Variants in TWSG1 observed in about 807,000 individuals in gnomAD.
The protein encoded by TWSG1 is twisted gastrulation protein homolog 1.
In TWSG1, 15 loss-of-function variants were observed where a neutral mutation model predicts 23.0. The ratio of observed to expected loss-of-function variants is 0.65; its 90% CI spans 0.44 to 1.00. The LOEUF is 1.00. Ranked by LOEUF, TWSG1 falls within the 50% of genes least tolerant of loss-of-function variation. The probability of loss-of-function intolerance (pLI) is 0.00; values close to 1 mark genes in which losing one functional copy is unlikely to be tolerated. For synonymous variants in TWSG1, 86 were observed against 92.8 expected (o/e 0.93, Z 0.42); for missense variants, 242 against 278.7 (o/e 0.87, Z 0.94).
At chr18:9,360,245 C>T (rs1343262704) in intron 3 of TWSG1, among the ~76,000 whole-genome samples, 174 bp downstream of exon 3, 2 of 152,112 alleles carry the variant, frequency 1.3e-5, no homozygotes, top group Non-Finnish European at 2.9e-5. Context: ...TAGTATTTAC[C>T]TATACATGTA....
chr18:9,360,425 A>T (rs2040547215), intron 3 of TWSG1, among the ~76,000 whole-genome samples: 1 of 152,162 alleles, frequency 6.6e-6, no homozygotes, highest in South Asian at 2.1e-4. Context: ...AAGATGTGTT[A>T]AGTAAAAAAA....
chr18:9,391,586 G>A lies in TWSG1; in HGVS notation c.224-4694G>A, dbSNP rs892517318. On this transcript the variant is annotated intron_variant, in intron 3 of 4. Coordinates refer to ENST00000262120, the MANE Select transcript of TWSG1 (RefSeq NM_020648.6). ...GCATATGGAGGCACTTCCTGCTGCC[G>A]CAAGACAATTACAATAGTAACATCA... Among the ~76,000 whole-genome samples the A allele has an allele frequency of 6.6e-5, 10 of 152,252 alleles. No homozygotes were observed. In the East Asian group the frequency reaches 1.5e-3, roughly 23 times the overall value.
chr18:9,349,387 T>TG (rs2145597685), intron 2 of TWSG1, among the ~76,000 whole-genome samples: 1 of 152,318 alleles, frequency 6.6e-6, no homozygotes, highest in Non-Finnish European at 1.5e-5. Context: ...TATTCAAAAT[T>TG]GGGTTCAGAG....
At chr18:9,380,764 A>C (rs534761214) in intron 3 of TWSG1, among the ~76,000 whole-genome samples, 13 of 152,188 alleles carry the variant, frequency 8.5e-5, no homozygotes, top group Non-Finnish European at 1.6e-4. Context: ...CTTCATTTAG[A>C]GGCATCGTAT....
At chr18:9,341,961 G>GT (rs2040448249) in intron 2 of TWSG1, among the ~76,000 whole-genome samples, 1 of 152,042 alleles carries the variant, frequency 6.6e-6, no homozygotes, top group Admixed American at 6.6e-5. Flanking sequence ...AAAGAAATCA[G>GT]TTTTTTCCCT....
intron 4 of TWSG1, among the ~76,000 whole-genome samples, chr18:9,398,460 G>A (rs1376223469): frequency 1.3e-5 from 2 of 151,820 alleles, no homozygotes; most frequent in African/African-American, 4.8e-5. Flanking sequence ...TTGTTTGTTT[G>A]TTTGTTTGTT....
At chr18:9,349,610 T>A (rs113708579) in intron 2 of TWSG1, among the ~76,000 whole-genome samples, 121 of 152,330 alleles carry the variant, frequency 7.9e-4, no homozygotes, top group African/African-American at 2.8e-3. Flanking sequence ...AAATAAATAG[T>A]TCAGGTAAGT....
chr18:9,344,831 T>C (rs1310015888), intron 2 of TWSG1, among the ~76,000 whole-genome samples: 1 of 152,228 alleles, frequency 6.6e-6, no homozygotes, highest in East Asian at 1.9e-4. Context: ...CACTGCAGCC[T>C]TGAACTCCTG....
At chr18:9,335,282 C>T (rs981231084) in intron 1 of TWSG1, among the ~76,000 whole-genome samples, 1 of 152,248 alleles carries the variant, frequency 6.6e-6, no homozygotes, top group Non-Finnish European at 1.5e-5. Flanking sequence ...GCCCTGGCAC[C>T]GCTCTACAGA....
rs1245706678 is a variant in TWSG1 at position 9,337,094 on chromosome 18, CACAA to C, written c.-37-94_-37-91del. 8.4e-6 allele frequency: 9 copies of C among 1,077,502 alleles called. No homozygotes were observed. In the East Asian group the frequency reaches 1.7e-4, roughly 21 times the overall value. The allele number at this position is 1,077,502 out of a possible 1,614,324, so 66.7% of individuals were successfully genotyped here. On this transcript the variant is annotated intron_variant, in intron 1 of 4. Transcript: ENST00000262120. ...AAAAAAGAAAGAAAAAGTATATTGA[CACAA>C]ACAATGAGTCTTAGTTTATGTTTTG...
rs115694261 is a variant in TWSG1 at position 9,389,876 on chromosome 18, G to A, written c.224-6404G>A. 5.5e-3 allele frequency among the ~76,000 whole-genome samples: 842 copies of A among 152,258 alleles called. 9 individuals are homozygous for A. Among genetic ancestry groups the A allele is most frequent in the African/African-American group, 0.019 (807 of 41,542 alleles). On this transcript the variant is annotated intron_variant, in intron 3 of 4. Coordinates refer to ENST00000262120, the MANE Select transcript of TWSG1 (RefSeq NM_020648.6). ...TGGTTCCAGATCACTGCAGTAAAGC[G>A]AAGGTCCCAATAAAGTGAGTCACGC...
chr18:9,354,078 T>C (rs985975777), intron 2 of TWSG1, among the ~76,000 whole-genome samples: 2 of 152,226 alleles, frequency 1.3e-5, no homozygotes, highest in Non-Finnish European at 2.9e-5. Flanking sequence ...ATAACTGTAA[T>C]TATTAAAATG....
intron 3 of TWSG1, among the ~76,000 whole-genome samples, chr18:9,394,387 C>T (rs759030239): frequency 4.6e-5 from 7 of 152,048 alleles, no homozygotes; most frequent in South Asian, 2.1e-4. Context: ...AAAAGTAGAA[C>T]GGAGGATGGT....
At chr18:9,367,522 C>G (rs1568035502) in intron 3 of TWSG1, among the ~76,000 whole-genome samples, 1 of 152,112 alleles carries the variant, frequency 6.6e-6, no homozygotes. Flanking sequence ...TCCCCAACCC[C>G]TGAGCCATGG....
At chr18:9,398,259 A>G (rs545958959) in intron 4 of TWSG1, among the ~76,000 whole-genome samples, 118 of 152,322 alleles carry the variant, frequency 7.7e-4, no homozygotes, top group African/African-American at 2.7e-3. Context: ...ATATTAAATA[A>G]TAATTCATAA....
intron 1 of TWSG1, 35 bp from the exon 2 acceptor site, chr18:9,337,158 T>G: frequency 6.4e-7 from 1 of 1,567,738 alleles, no homozygotes. Context: ...ACCCTAGCAC[T>G]TGCCTTTGAA....
intron 2 of TWSG1, among the ~76,000 whole-genome samples, chr18:9,357,499 A>C (rs12455836): frequency 0.029 from 4,490 of 152,314 alleles, 71 homozygotes; most frequent in Middle Eastern, 0.065. Flanking sequence ...AAATATAATA[A>C]GATGAATTTA....
At chr18:9,396,915 C>G in intron 4 of TWSG1, 1 of 242,242 alleles carries the variant, frequency 4.1e-6, no homozygotes, top group Non-Finnish European at 7.9e-6. Flanking sequence ...AAAAATTAGC[C>G]GGGTGTGGTG....
chr18:9,346,421 G>A (rs1327032742), intron 2 of TWSG1, among the ~76,000 whole-genome samples: 2 of 152,104 alleles, frequency 1.3e-5, no homozygotes, highest in Non-Finnish European at 2.9e-5. Flanking sequence ...GGATGTACTA[G>A]AGTTTGTTTA....
Sources: gnomAD v4.1 joint callset for allele counts (sites outside exome capture counted in the v4.1 genomes callset) on GRCh38, gnomAD v4.1.1 for gene constraint, MANE v1.5 for transcripts, NCBI Gene and HGNC (gene_info 2026-07-23, HGNC 2026-07-21) for gene names.